The following PSMD5 variants were observed in gnomAD, a reference collection of about 807,000 sequenced individuals.
PSMD5 encodes the protein 26S proteasome non-ATPase regulatory subunit 5.
In PSMD5, 40 loss-of-function variants were observed where a neutral mutation model predicts 52.1. That is an observed-to-expected ratio of 0.77 (90% CI 0.60 to 1.00). The LOEUF (loss-of-function observed/expected upper bound fraction) is 1.00, where lower values mean the gene tolerates loss of function less well. Ranked by LOEUF, PSMD5 falls within the 50% of genes least tolerant of loss-of-function variation. The pLI, the probability that PSMD5 is intolerant of heterozygous loss-of-function variation, is 0.00. For synonymous variants in PSMD5, 211 were observed against 226.6 expected (o/e 0.93, Z 0.62); for missense variants, 575 against 605.2 (o/e 0.95, Z 0.52).
chr9:120,826,315 C>A (rs113792101), intron 6 of PSMD5, among the ~76,000 whole-genome samples: 1 of 152,076 alleles, frequency 6.6e-6, no homozygotes, highest in African/African-American at 2.4e-5. Flanking sequence ...CTTAGAGGAA[C>A]GCTTTCAACT....
Position 120,817,958 on chromosome 9 carries a change from C to A in PSMD5, c.1463G>T (p.Gly488Val). 1 of 1,614,156 alleles carries A rather than the reference C, an allele frequency of 6.2e-7. No homozygotes were observed. The highest frequency in any genetic ancestry group is 8.5e-7 in the Non-Finnish European group (1 of 1,180,018). Residue 488 changes from glycine (G) to valine (V), a missense_variant, in exon 10 of 10, where the codon GGG (glycine) becomes GTG (valine). Gly to Val is a moderately radical substitution (Grantham distance 109). Transcript: ENST00000210313. ...YLRLRTYLSEGPYYVKPVSTT... is the reference protein window; with the variant it reads ...YLRLRTYLSEVPYYVKPVSTT... ...GGAAACAGGTTTCACATAGTATGGC[C>A]CTTCACTCAGGTAAGTTCTGAGCCT... is the stretch of plus-strand genomic sequence containing the variant.
chr9:120,840,620 T>C (rs1264593577), intron 1 of PSMD5, among the ~76,000 whole-genome samples: 2 of 93,804 alleles, frequency 2.1e-5, no homozygotes, highest in African/African-American at 4.5e-5. Context: ...TAATTTTTGC[T>C]TTTTTTTTTT....
At chr9:120,831,997 A>C in intron 2 of PSMD5, 52 bp from the exon 3 acceptor site, 1 of 1,586,704 alleles carries the variant, frequency 6.3e-7, no homozygotes, top group Non-Finnish European at 8.6e-7. Context: ...AACATACGGT[A>C]AACACACGAT....
At chr9:120,818,274 C>G in intron 9 of PSMD5, 111 bp from the exon 10 acceptor site, 2 of 1,118,002 alleles carry the variant, frequency 1.8e-6, no homozygotes, top group Non-Finnish European at 1.2e-6. Flanking sequence ...AAAATGTTAC[C>G]TTTTGTCTAA....
intron 1 of PSMD5, among the ~76,000 whole-genome samples, chr9:120,834,548 C>A (rs2045185671): frequency 6.6e-6 from 1 of 152,104 alleles, no homozygotes; most frequent in Non-Finnish European, 1.5e-5. Flanking sequence ...TAGTATTATA[C>A]TTTCAAGGAA....
rs750800051 is a variant in PSMD5, at chr9:120,831,832, C to T, written c.432G>A (p.Ala144=). ...AAGTCAATGATTCTAGTAGACTCACCGCTTTTGCTACAGATAGATTCTCTC... is the reference window on the plus strand; with the variant it reads ...AAGTCAATGATTCTAGTAGACTCACTGCTTTTGCTACAGATAGATTCTCTC... ...IGGENLSVAK[A]AIKSLSRISL... Residue 144 remains alanine, a splice_region_variant and synonymous_variant, in exon 3 of 10, where the codon GCG becomes GCA. Transcript: ENST00000210313. 5.0e-6 allele frequency: 8 copies of T among 1,611,446 alleles called. No individual in the cohort carries two copies. Among genetic ancestry groups the T allele is most frequent in the African/African-American group, 1.3e-5 (1 of 74,914 alleles).
intron 1 of PSMD5, among the ~76,000 whole-genome samples, chr9:120,833,943 T>A (rs1019155635): frequency 6.7e-6 from 1 of 149,386 alleles, no homozygotes; most frequent in Non-Finnish European, 1.5e-5. Context: ...CCCAAAATGC[T>A]GGGATTACAG....
rs1466723025 is a variant in PSMD5 at position 120,842,842 on chromosome 9, C to T, written c.68G>A (p.Arg23His). 2 of 1,608,954 alleles carry T rather than the reference C, an allele frequency of 1.2e-6. No homozygotes were observed. Among genetic ancestry groups the T allele is most frequent in the Non-Finnish European group, 1.7e-6 (2 of 1,179,214 alleles). Residue 23 changes from arginine (R) to histidine (H), a missense_variant, in exon 1 of 10, where the codon CGC becomes CAC. By Grantham distance (29) the Arg-to-His change is conservative. Coordinates refer to ENST00000210313, the MANE Select transcript of PSMD5 (RefSeq NM_005047.4). Reference sequence around the variant, plus strand: ...TGCCTGCAGCACGGAGTGAAGCGCGCGTAGCTCCTCCAGCGGCGCTTCCAG... The same window carrying T: ...TGCCTGCAGCACGGAGTGAAGCGCGTGTAGCTCCTCCAGCGGCGCTTCCAG... ...ARLEAPLEEL[R>H]ALHSVLQAVP...
intron 1 of PSMD5, among the ~76,000 whole-genome samples, chr9:120,838,985 C>T (rs925553210): frequency 1.3e-5 from 2 of 152,178 alleles, no homozygotes; most frequent in African/African-American, 2.4e-5. Context: ...TTATCATTAA[C>T]AGAAATAACA....
intron 4 of PSMD5, among the ~76,000 whole-genome samples, chr9:120,829,640 C>T (rs979012976): frequency 6.6e-6 from 1 of 152,220 alleles, no homozygotes; most frequent in Non-Finnish European, 1.5e-5. Flanking sequence ...AAGTGATCTG[C>T]CCGCCCTGGC....
chr9:120,830,605 T>A (rs916484992), intron 4 of PSMD5, among the ~76,000 whole-genome samples: 2 of 152,160 alleles, frequency 1.3e-5, no homozygotes, highest in African/African-American at 4.8e-5. Context: ...ACATGCAAAG[T>A]AAGAAAGTGT....
chr9:120,819,035 A>G (rs1365378435), intron 9 of PSMD5, among the ~76,000 whole-genome samples: 1 of 152,260 alleles, frequency 6.6e-6, no homozygotes, highest in Non-Finnish European at 1.5e-5. Context: ...ACACTAATAC[A>G]AAAACTAAAA....
At chr9:120,824,787 A>G (rs1282466274) in intron 6 of PSMD5, 102 bp from the exon 7 acceptor site, 25 of 991,280 alleles carry the variant, frequency 2.5e-5, no homozygotes, top group African/African-American at 4.9e-5. Context: ...AGGCCAGAAA[A>G]GCATAGAAAG....
intron 5 of PSMD5, among the ~76,000 whole-genome samples, chr9:120,828,200 G>A (rs1038471343): frequency 3.3e-5 from 5 of 151,942 alleles, no homozygotes; most frequent in African/African-American, 4.8e-5. Context: ...GGGTTTCACC[G>A]TATTGGCCAG....
In PSMD5 at chr9:120,817,684, T is replaced by C; in HGVS notation, c.*222A>G. The C allele has an allele frequency of 1.9e-6, 1 of 514,080 alleles. No homozygotes were observed. The highest frequency in any genetic ancestry group is 3.7e-5 in the South Asian group (1 of 27,152). The allele number at this position is 514,080 out of a possible 1,614,324, so 31.8% of individuals were successfully genotyped here. ...TGAAAGGAATCTGAAAAACACTGGA[T>C]CTATTATGACCAAGCTTGTCTGCTC... On this transcript the variant is annotated 3_prime_UTR_variant, in exon 10 of 10. Transcript: ENST00000210313.
intron 9 of PSMD5, among the ~76,000 whole-genome samples, chr9:120,820,351 C>T (rs1370553756): frequency 6.6e-6 from 1 of 152,194 alleles, no homozygotes; most frequent in East Asian, 1.9e-4. Context: ...CATTGTTTAA[C>T]TCAACCTTGT....
intron 7 of PSMD5, among the ~76,000 whole-genome samples, chr9:120,821,730 C>T (rs1176930141): frequency 6.6e-6 from 1 of 152,196 alleles, no homozygotes; most frequent in African/African-American, 2.4e-5. Context: ...CTCTTTTAGG[C>T]ATCTCATCTA....
chr9:120,832,309 G>A (rs1392792870), intron 2 of PSMD5, among the ~76,000 whole-genome samples: 1 of 151,544 alleles, frequency 6.6e-6, no homozygotes, highest in Non-Finnish European at 1.5e-5. Flanking sequence ...GATTAAATGA[G>A]ACCGAACAGG....
chr9:120,831,300 T>C (rs1248980871), intron 4 of PSMD5, 31 bp downstream of exon 4: 2 of 1,555,730 alleles, frequency 1.3e-6, no homozygotes, highest in Non-Finnish European at 8.7e-7. Flanking sequence ...TTCTGCTTTG[T>C]AAGCATGAGA....
Sources: allele counts gnomAD v4.1 joint callset (sites outside exome capture counted in the v4.1 genomes callset), GRCh38; gene constraint gnomAD v4.1.1; transcripts MANE v1.5; gene names NCBI Gene and HGNC (gene_info 2026-07-23, HGNC 2026-07-21).